Variants in PIK3C2G observed in about 807,000 individuals in gnomAD.
PIK3C2G encodes phosphatidylinositol 3-kinase C2 domain-containing subunit gamma.
A neutral mutation model predicts 181.1 loss-of-function variants in PIK3C2G; 168 were observed. That is an observed-to-expected ratio of 0.93 (90% CI 0.82 to 1.05). The LOEUF (loss-of-function observed/expected upper bound fraction) is 1.05. PIK3C2G is among the 50% of genes least tolerant of loss of function. The pLI is 0.00. For synonymous variants in PIK3C2G, 573 were observed against 592.2 expected (o/e 0.97, Z 0.47); for missense variants, 1,869 against 1,732.8 (o/e 1.08, Z -1.40).
chr12:18,664,228 C>T, the PIK3C2G span, among the ~76,000 whole-genome samples: 1 of 152,272 alleles, frequency 6.6e-6, no homozygotes. Flanking sequence ...TCCTCAAAAA[C>T]TTAAACATAG....
At chr12:18,609,972 A>G (rs563387175) in intron 31 of PIK3C2G, among the ~76,000 whole-genome samples, 3 of 152,224 alleles carry the variant, frequency 2.0e-5, no homozygotes, top group South Asian at 2.1e-4. Context: ...TCCTCAAAAA[A>G]TAATAGTGTT....
intron 18 of PIK3C2G, among the ~76,000 whole-genome samples, chr12:18,462,219 CT>C: frequency 6.6e-6 from 1 of 152,258 alleles, no homozygotes; most frequent in African/African-American, 2.4e-5. Flanking sequence ...CTTGGGTAGC[CT>C]TTACTTTAAT....
intron 8 of PIK3C2G, among the ~76,000 whole-genome samples, 155 bp from the exon 9 acceptor site, chr12:18,338,271 A>G (rs1424212736): frequency 6.6e-6 from 1 of 152,158 alleles, no homozygotes; most frequent in Non-Finnish European, 1.5e-5. Flanking sequence ...CAGTCACAGG[A>G]TAACCAGAGT....
chr12:18,451,407 G>T (rs117662937), intron 18 of PIK3C2G, among the ~76,000 whole-genome samples: 1 of 152,148 alleles, frequency 6.6e-6, no homozygotes, highest in Non-Finnish European at 1.5e-5. Context: ...GAGTGCTTGC[G>T]ATTTTTGCAA....
intron 18 of PIK3C2G, among the ~76,000 whole-genome samples, chr12:18,464,172 A>G (rs918929408): frequency 6.6e-6 from 1 of 152,036 alleles, no homozygotes; most frequent in Non-Finnish European, 1.5e-5. Flanking sequence ...GCCCTAAAGT[A>G]CTGTTATTTT....
intron 14 of PIK3C2G, among the ~76,000 whole-genome samples, chr12:18,388,996 A>G (rs1483290382): frequency 6.6e-6 from 1 of 152,196 alleles, no homozygotes; most frequent in African/African-American, 2.4e-5. Context: ...GGAATGTGAG[A>G]AATAGATGTC....
intron 7 of PIK3C2G, among the ~76,000 whole-genome samples, chr12:18,323,517 G>A (rs1591953162): frequency 6.6e-6 from 1 of 152,046 alleles, no homozygotes; most frequent in South Asian, 2.1e-4. Flanking sequence ...TTCTCAAAGG[G>A]TATCTAACAC....
intron 16 of PIK3C2G, among the ~76,000 whole-genome samples, chr12:18,407,071 G>T (rs988843677): frequency 1.3e-5 from 2 of 151,882 alleles, no homozygotes; most frequent in Admixed American, 6.6e-5. Flanking sequence ...ACCTCCTAGG[G>T]TTCTTGTCTG....
At chr12:18,572,744 C>G (rs958651334) in intron 29 of PIK3C2G, among the ~76,000 whole-genome samples, 42 of 151,952 alleles carry the variant, frequency 2.8e-4, no homozygotes, top group African/African-American at 9.7e-4. Flanking sequence ...TCCTTTATGC[C>G]TCCTACTCCT....
At chr12:18,668,021 C>T in the PIK3C2G span, among the ~76,000 whole-genome samples, 108 of 152,252 alleles carry the variant, frequency 7.1e-4, no homozygotes, top group Middle Eastern at 6.8e-3. Flanking sequence ...ACCTTTAGGA[C>T]ACTACCTAAT....
chr12:18,710,316 A>G, the PIK3C2G span, among the ~76,000 whole-genome samples: 1 of 151,148 alleles, frequency 6.6e-6, no homozygotes, highest in Non-Finnish European at 1.5e-5. Flanking sequence ...AGCCATGCAA[A>G]TATTTGGGAA....
chr12:18,375,014 T>C (rs1213210446), intron 13 of PIK3C2G, among the ~76,000 whole-genome samples: 1 of 152,214 alleles, frequency 6.6e-6, no homozygotes, highest in Non-Finnish European at 1.5e-5. Flanking sequence ...CAGTCTCAGG[T>C]ATTTCCTTAC....
rs919880614 is a variant in PIK3C2G, at chr12:18,497,674, A to G, written c.2942A>G (p.Asp981Gly). 4.3e-6 allele frequency: 7 copies of G among 1,612,670 alleles called. No individual in the cohort carries two copies. The highest frequency in any genetic ancestry group is 8.5e-7 in the Non-Finnish European group (1 of 1,178,826). Residue 981 changes from aspartate (D) to glycine (G), a missense_variant, in exon 22 of 33, where the codon GAC becomes GGC. Physicochemically the swap from Asp to Gly is moderately conservative, Grantham distance 94. Coordinates refer to ENST00000538779, the MANE Select transcript of PIK3C2G (RefSeq NM_001288772.2). ...MLVLQLIQVMDNIWLQEGLDM... is the reference protein window; with the variant it reads ...MLVLQLIQVMGNIWLQEGLDM... ...GTTCTGCAGCTTATTCAAGTGATGG[A>G]CAATATTTGGCTGCAGGAAGGCTTG...
chr12:18,718,019 ACT>A, the PIK3C2G span, among the ~76,000 whole-genome samples: 1 of 151,922 alleles, frequency 6.6e-6, no homozygotes, highest in Non-Finnish European at 1.5e-5. Context: ...AACAACCAAA[ACT>A]CTATGGTGTC....
the PIK3C2G span, among the ~76,000 whole-genome samples, chr12:18,672,205 A>G: frequency 6.6e-6 from 1 of 152,182 alleles, no homozygotes; most frequent in African/African-American, 2.4e-5. Context: ...GAATTAGCTT[A>G]TATTACTTCA....
At chr12:18,383,202 C>T (rs1942954476) in intron 14 of PIK3C2G, among the ~76,000 whole-genome samples, 1 of 152,168 alleles carries the variant, frequency 6.6e-6, no homozygotes, top group Non-Finnish European at 1.5e-5. Context: ...TCAATTCAAT[C>T]ACATTTGATT....
At chr12:18,273,318 T>C (rs1591797033) in intron 1 of PIK3C2G, among the ~76,000 whole-genome samples, 1 of 152,192 alleles carries the variant, frequency 6.6e-6, no homozygotes, top group South Asian at 2.1e-4. Context: ...CTCTGTTCTG[T>C]TCCATTGGTC....
In PIK3C2G at chr12:18,532,980, A is replaced by C. The variant is rs181736041; in HGVS notation, c.3324-5176A>C. Among the ~76,000 whole-genome samples the C allele has an allele frequency of 1.6e-3, 235 of 151,170 alleles. 1 individual carries two copies. Among genetic ancestry groups the C allele is most frequent in the Non-Finnish European group, 2.8e-3 (191 of 67,880 alleles). The stretch of plus-strand genomic sequence containing the variant: ...TAGCAGCATGTATTTCATGCCTAGA[A>C]TATATGAGGCAAAAAAGAAAACCCA... On this transcript the variant is annotated intron_variant, in intron 24 of 32. Transcript: ENST00000538779.
chr12:18,553,150 A>G (rs1297334882), intron 26 of PIK3C2G, among the ~76,000 whole-genome samples: 3 of 152,160 alleles, frequency 2.0e-5, no homozygotes, highest in Non-Finnish European at 4.4e-5. Flanking sequence ...ACAAGCAATT[A>G]GGCTACAATC....
Sources: gnomAD v4.1 joint callset for allele counts (sites outside exome capture counted in the v4.1 genomes callset) on GRCh38, gnomAD v4.1.1 for gene constraint, MANE v1.5 for transcripts, NCBI Gene and HGNC (gene_info 2026-07-23, HGNC 2026-07-21) for gene names.